The following MBD2 variants were observed in gnomAD, a reference collection of about 807,000 sequenced individuals.
MBD2 encodes the protein methyl-CpG binding domain protein 2, also known as methyl-CpG-binding domain protein 2.
MBD2 carries 9 observed loss-of-function variants against 39.3 expected under a neutral mutation model. The ratio of observed to expected loss-of-function variants is 0.23; its 90% CI spans 0.14 to 0.40. The LOEUF (loss-of-function observed/expected upper bound fraction) is 0.40. Among genes scored for constraint, MBD2 ranks in the 10% least tolerant of loss-of-function variants. The pLI is 1.00. For missense variants in MBD2, 458 were observed against 532.6 expected (o/e 0.86, Z 1.38); for synonymous variants, 233 against 211.1 (o/e 1.10, Z -0.90).
At chr18:54,222,392 G>C (rs771123107) in intron 1 of MBD2, 2 of 514,876 alleles carry the variant, frequency 3.9e-6, no homozygotes, top group South Asian at 2.8e-5. Flanking sequence ...CAGCCTGAGG[G>C]AGGACCTGTG....
chr18:54,172,364 A>G lies in MBD2; in HGVS notation c.841-6198T>C, dbSNP rs112482261. ...AATTGTTATTTGGTGGATAGAAATTAAAGAGACCCCACTCCAAGAAAACAC... is the reference window on the plus strand; with the variant it reads ...AATTGTTATTTGGTGGATAGAAATTGAAGAGACCCCACTCCAAGAAAACAC... On this transcript the variant is annotated intron_variant, in intron 3 of 6. Transcript: ENST00000256429. Among the ~76,000 whole-genome samples, 824 of 152,362 alleles carry G rather than the reference A, an allele frequency of 5.4e-3. 10 individuals carry two copies. The highest frequency in any genetic ancestry group is 0.017 in the African/African-American group (709 of 41,590).
chr18:54,223,936 C>T, intron 1 of MBD2, 82 bp downstream of exon 1: 1 of 1,236,292 alleles, frequency 8.1e-7, no homozygotes. Context: ...CGGGCCCCAG[C>T]GCTCATCCTC....
intron 3 of MBD2, among the ~76,000 whole-genome samples, chr18:54,177,085 G>A (rs1221190680): frequency 1.3e-5 from 2 of 152,152 alleles, no homozygotes; most frequent in African/African-American, 2.4e-5. Context: ...TGGAATAAGA[G>A]TATCATTCGT....
At chr18:54,209,073 T>G (rs1197741253) in intron 1 of MBD2, among the ~76,000 whole-genome samples, 1 of 152,026 alleles carries the variant, frequency 6.6e-6, no homozygotes, top group Non-Finnish European at 1.5e-5. Flanking sequence ...GGAGGGCGGA[T>G]TGCCCGAGCT....
At chr18:54,223,468 G>A (rs1433776452) in intron 1 of MBD2, among the ~76,000 whole-genome samples, 4 of 152,174 alleles carry the variant, frequency 2.6e-5, no homozygotes, top group African/African-American at 9.7e-5. Flanking sequence ...TGGTCTAGGA[G>A]TCTAAAAACT....
rs747155692 is a variant in MBD2, at chr18:54,224,229, A to AAG, written c.330_331insCT (p.Cys111LeufsTer55). On this transcript the variant is annotated frameshift_variant, in exon 1 of 7. Transcript: ENST00000256429. LOFTEE classifies it high-confidence loss of function. ...CCGCCACCGCTGCCGCCGCCGCCGC[A>AAG]GCCGCCGCCGTCGCCGCCAAGGCCG... The AAG allele has an allele frequency of 8.3e-5, 69 of 829,032 alleles. No individual in the cohort carries two copies. The highest frequency in any genetic ancestry group is 9.0e-5 in the Non-Finnish European group (61 of 675,270). The allele number at this position is 829,032 out of a possible 1,614,324, so 51.4% of individuals were successfully genotyped here.
At chr18:54,167,587 A>T (rs2086143526) in intron 3 of MBD2, among the ~76,000 whole-genome samples, 1 of 152,190 alleles carries the variant, frequency 6.6e-6, no homozygotes, top group Admixed American at 6.5e-5. Context: ...GATATATGTG[A>T]AGTATCAGAT....
chr18:54,157,330 G>A (rs142090288), intron 6 of MBD2, among the ~76,000 whole-genome samples: 8 of 151,404 alleles, frequency 5.3e-5, no homozygotes, highest in African/African-American at 1.5e-4. Flanking sequence ...GCGCGATCTC[G>A]GCTCACTGCA....
In MBD2 at chr18:54,197,742, CATT is replaced by C. The variant is rs575308654; in HGVS notation, c.702+7253_702+7255del. ...CTCCACGGGCACGCGTCTAGATCAT[CATT>C]ATCATCATCAAAATCATCATCATCA... is the stretch of plus-strand genomic sequence containing the variant. On this transcript the variant is annotated intron_variant, in intron 2 of 6. Transcript: ENST00000256429. Among the ~76,000 whole-genome samples, 56 of 152,280 alleles carry C rather than the reference CATT, an allele frequency of 3.7e-4. No individual in the cohort carries two copies. The East Asian group carries it at 5.8e-3, about 16-fold the overall frequency.
At chr18:54,209,569 G>A (rs1283416685) in intron 1 of MBD2, among the ~76,000 whole-genome samples, 1 of 152,138 alleles carries the variant, frequency 6.6e-6, no homozygotes, top group African/African-American at 2.4e-5. Flanking sequence ...TCAGAAAACA[G>A]TAGTACAAGC....
chr18:54,180,897 CTTTTT>C (rs2086246548), intron 3 of MBD2, among the ~76,000 whole-genome samples: 1 of 105,372 alleles, frequency 9.5e-6, no homozygotes, highest in African/African-American at 3.9e-5. Flanking sequence ...TTAATTTTTT[CTTTTT>C]CTTTTTTTTT....
intron 1 of MBD2, among the ~76,000 whole-genome samples, chr18:54,220,426 CTTGGCAG>C (rs1194167633): frequency 6.6e-6 from 1 of 152,112 alleles, no homozygotes; most frequent in Non-Finnish European, 1.5e-5. Flanking sequence ...CCTATTAGAA[CTTGGCAG>C]TTTCAAAACA....
At chr18:54,186,818 A>G (rs2086289615) in intron 3 of MBD2, among the ~76,000 whole-genome samples, 1 of 152,230 alleles carries the variant, frequency 6.6e-6, no homozygotes, top group African/African-American at 2.4e-5. Flanking sequence ...ATGCAAGCTA[A>G]AAGGAAGATT....
intron 2 of MBD2, among the ~76,000 whole-genome samples, chr18:54,193,919 T>G (rs1194513953): frequency 6.6e-6 from 1 of 152,158 alleles, no homozygotes; most frequent in Non-Finnish European, 1.5e-5. Flanking sequence ...CTTTTTTCAG[T>G]GACTTTCCAT....
intron 1 of MBD2, among the ~76,000 whole-genome samples, chr18:54,221,833 C>G (rs2086615876): frequency 1.3e-5 from 2 of 152,126 alleles, no homozygotes; most frequent in African/African-American, 4.8e-5. Context: ...GTTAAGTGGC[C>G]ACAAATCCAA....
chr18:54,212,460 T>C (rs995354117), intron 1 of MBD2, among the ~76,000 whole-genome samples: 1 of 152,174 alleles, frequency 6.6e-6, no homozygotes, highest in African/African-American at 2.4e-5. Flanking sequence ...AAATAGCATA[T>C]TGAATACTTA....
chr18:54,166,197 A>C (rs1447858609), intron 3 of MBD2, 31 bp from the exon 4 acceptor site: 1 of 1,358,744 alleles, frequency 7.4e-7, no homozygotes, highest in Non-Finnish European at 1.0e-6. Flanking sequence ...GTTAATAGAT[A>C]CATTTTTGAA....
At chr18:54,173,227 G>A (rs2086190322) in intron 3 of MBD2, among the ~76,000 whole-genome samples, 1 of 152,104 alleles carries the variant, frequency 6.6e-6, no homozygotes, top group Admixed American at 6.5e-5. Context: ...CTGGACCTAA[G>A]GTCAGTTGGG....
At position 54,166,702 on chromosome 18, in the gene MBD2, T is replaced by C. The variant is rs139692355; in HGVS notation, c.841-536A>G. 3.7e-3 allele frequency among the ~76,000 whole-genome samples: 570 copies of C among 152,324 alleles called. 1 individual carries two copies. Among genetic ancestry groups the C allele is most frequent in the African/African-American group, 0.013 (549 of 41,566 alleles). ...TAAAATGTTTTAGATGCCTCCTTTATTTTTAAACTGGATGTCACATTCATG... is the reference window on the plus strand; with the variant it reads ...TAAAATGTTTTAGATGCCTCCTTTACTTTTAAACTGGATGTCACATTCATG... On this transcript the variant is annotated intron_variant, in intron 3 of 6. Coordinates refer to ENST00000256429, the MANE Select transcript of MBD2 (RefSeq NM_003927.5).
Sources: gnomAD v4.1 joint callset for allele counts (sites outside exome capture counted in the v4.1 genomes callset) on GRCh38, gnomAD v4.1.1 for gene constraint, MANE v1.5 for transcripts, NCBI Gene and HGNC (gene_info 2026-07-23, HGNC 2026-07-21) for gene names.